Variants in DCLK1 observed in about 807,000 individuals in gnomAD.
The protein encoded by DCLK1 is doublecortin like kinase 1, also known as serine/threonine-protein kinase DCLK1.
DCLK1 carries 16 observed loss-of-function variants against 86.2 expected under a neutral mutation model. That is an observed-to-expected ratio of 0.19 (90% CI 0.13 to 0.28). DCLK1 has a LOEUF of 0.28. Among genes scored for constraint, DCLK1 ranks in the 10% least tolerant of loss-of-function variants. The pLI is 1.00. For synonymous variants in DCLK1, 369 were observed against 370.5 expected, an observed-to-expected ratio of 1.00 and a Z score of 0.05; for missense variants, 590 against 940.2, an observed-to-expected ratio of 0.63 and a Z score of 4.87.
chr13:35,962,211 G>C (rs1035168164), intron 3 of DCLK1, among the ~76,000 whole-genome samples: 1 of 152,122 alleles, frequency 6.6e-6, no homozygotes, highest in Non-Finnish European at 1.5e-5. Context: ...AGTACCTCAG[G>C]ATATGACCTT....
intron 3 of DCLK1, among the ~76,000 whole-genome samples, chr13:35,987,894 T>G (rs1192382955): frequency 1.3e-5 from 2 of 152,184 alleles, no homozygotes; most frequent in African/African-American, 4.8e-5. Flanking sequence ...AGAGCTTTTA[T>G]GGCACAATCT....
chr13:35,899,366 TGTGAGAGAGA>T lies in DCLK1; in HGVS notation c.824-28036_824-28027del, dbSNP rs1449254225. The stretch of plus-strand genomic sequence containing the variant: ...GTGTGTGTGTGTGTGTGTGTGTGTG[TGTGAGAGAGA>T]GAGAGAGAGAGAGAAAGAAGACAAT... On this transcript the variant is annotated intron_variant, in intron 4 of 16. Transcript: ENST00000360631. 7.1e-3 allele frequency among the ~76,000 whole-genome samples: 629 copies of T among 88,536 alleles called. 4 individuals are homozygous for T. The highest frequency in any genetic ancestry group is 0.025 in the African/African-American group (597 of 23,652). 58.1% of individuals were successfully genotyped at this position (88,536 alleles called of 152,430 possible).
At chr13:36,058,346 G>A (rs1353593497) in intron 3 of DCLK1, among the ~76,000 whole-genome samples, 7 of 152,158 alleles carry the variant, frequency 4.6e-5, no homozygotes, top group African/African-American at 1.7e-4. Context: ...CAAGGGCTAG[G>A]CTGTGTGAGG....
At chr13:35,888,659 G>A (rs890588380) in intron 4 of DCLK1, among the ~76,000 whole-genome samples, 2 of 152,198 alleles carry the variant, frequency 1.3e-5, no homozygotes, top group South Asian at 2.1e-4. Flanking sequence ...CTGGTTAGAA[G>A]GGAGACATTA....
chr13:36,126,961 T>C (rs1406472369), intron 1 of DCLK1, among the ~76,000 whole-genome samples: 2 of 152,248 alleles, frequency 1.3e-5, no homozygotes, highest in African/African-American at 4.8e-5. Context: ...CAGGTTTCCC[T>C]GACTCCAAAG....
At chr13:36,019,044 T>C (rs894219610) in intron 3 of DCLK1, among the ~76,000 whole-genome samples, 4 of 152,334 alleles carry the variant, frequency 2.6e-5, no homozygotes, top group Admixed American at 1.3e-4. Flanking sequence ...TTGCATCTAA[T>C]TGGCATGCAA....
chr13:35,960,018 A>G (rs1016746590), intron 3 of DCLK1, among the ~76,000 whole-genome samples: 5 of 152,222 alleles, frequency 3.3e-5, no homozygotes, highest in Admixed American at 6.5e-5. Context: ...CTCTTCCCCA[A>G]TGCTTGATCA....
intron 3 of DCLK1, among the ~76,000 whole-genome samples, chr13:35,962,948 T>G (rs1327671827): frequency 6.6e-6 from 1 of 152,244 alleles, no homozygotes; most frequent in East Asian, 1.9e-4. Flanking sequence ...TTGTTTACAT[T>G]ATATATTCAG....
At chr13:35,905,205 C>T (rs577599296) in intron 4 of DCLK1, among the ~76,000 whole-genome samples, 1 of 152,282 alleles carries the variant, frequency 6.6e-6, no homozygotes, top group Non-Finnish European at 1.5e-5. Flanking sequence ...CAAAGACCCC[C>T]ATCAGTCTTA....
At chr13:36,009,793 T>G (rs893677093) in intron 3 of DCLK1, among the ~76,000 whole-genome samples, 2 of 118,482 alleles carry the variant, frequency 1.7e-5, no homozygotes, top group Non-Finnish European at 3.4e-5. Context: ...GGGATGGCAT[T>G]GAATCTGTAA....
At chr13:35,778,966 G>A (rs1462623102) in intron 16 of DCLK1, among the ~76,000 whole-genome samples, 1 of 151,842 alleles carries the variant, frequency 6.6e-6, no homozygotes, top group African/African-American at 2.4e-5. Flanking sequence ...CAAGGTACTC[G>A]CCAACATGAA....
intron 3 of DCLK1, among the ~76,000 whole-genome samples, chr13:36,071,198 G>A (rs548148813): frequency 2.6e-5 from 4 of 151,982 alleles, no homozygotes; most frequent in Admixed American, 6.5e-5. Flanking sequence ...TCTATTTGGA[G>A]CCCAAATTTC....
At chr13:35,816,325 G>C (rs1040502343) in intron 11 of DCLK1, among the ~76,000 whole-genome samples, 9 of 152,126 alleles carry the variant, frequency 5.9e-5, no homozygotes, top group Admixed American at 4.6e-4. Flanking sequence ...TGGACTTCCA[G>C]AGCTTTCTTT....
intron 3 of DCLK1, among the ~76,000 whole-genome samples, chr13:36,063,425 T>A (rs9565830): frequency 0.17 from 26,438 of 151,956 alleles, 2,744 homozygotes; most frequent in East Asian, 0.46. Flanking sequence ...ATGGCTTCAG[T>A]TAGACTCTGA....
intron 16 of DCLK1, among the ~76,000 whole-genome samples, chr13:35,789,699 T>A (rs1222088149): frequency 6.6e-6 from 1 of 152,190 alleles, no homozygotes; most frequent in African/African-American, 2.4e-5. Context: ...ATAAACAGTG[T>A]TAAATGAGGA....
chr13:35,820,027 A>G lies in DCLK1; in HGVS notation c.1554+2702T>C, dbSNP rs181849305. 3.2e-3 allele frequency among the ~76,000 whole-genome samples: 483 copies of G among 152,288 alleles called. 6 individuals are homozygous for G. The highest frequency in any genetic ancestry group is 0.01 in the Middle Eastern group (3 of 294). ...TTGGTTTTGAACTTTTGTCCATCTG[A>G]CTATAAATCCTGGGTGTGTGAGGGT... On this transcript the variant is annotated intron_variant, in intron 11 of 16. Coordinates refer to ENST00000360631, the MANE Select transcript of DCLK1 (RefSeq NM_001330071.2).
chr13:36,030,955 A>G (rs1231467759), intron 3 of DCLK1, among the ~76,000 whole-genome samples: 1 of 151,958 alleles, frequency 6.6e-6, no homozygotes, highest in African/African-American at 2.4e-5. Context: ...TCCCTTAGCA[A>G]CTCGAAGAAA....
chr13:35,947,484 C>A (rs1593758437), intron 3 of DCLK1, 27 bp from the exon 4 acceptor site: 2 of 1,592,728 alleles, frequency 1.3e-6, no homozygotes, highest in East Asian at 2.2e-5. Context: ...TGGCACTCAG[C>A]AAGGGTGGTA....
At chr13:35,944,247 C>A (rs1004685575) in intron 4 of DCLK1, among the ~76,000 whole-genome samples, 43 of 152,098 alleles carry the variant, frequency 2.8e-4, no homozygotes, top group African/African-American at 8.2e-4. Flanking sequence ...TCACTGGGAG[C>A]CAGGTTAATT....
Sources: allele counts gnomAD v4.1 joint callset (sites outside exome capture counted in the v4.1 genomes callset), GRCh38; gene constraint gnomAD v4.1.1; transcripts MANE v1.5; gene names NCBI Gene and HGNC (gene_info 2026-07-23, HGNC 2026-07-21).